The following SLC22A25 variants were observed in gnomAD, a reference collection of about 807,000 sequenced individuals.
SLC22A25 encodes the protein MGI:2442751, MGI:2385316, MGI:3042283, MGI:3645714, MGI:3605624, MGI:2442750.
Under a neutral mutation model 45.9 loss-of-function variants are expected in SLC22A25, and 44 were observed. The ratio of observed to expected loss-of-function variants is 0.96; its 90% CI spans 0.75 to 1.23. SLC22A25 has a LOEUF of 1.23. SLC22A25 is among the 50% of genes most tolerant of loss of function. SLC22A25 has a pLI of 0.00. For synonymous variants in SLC22A25, 283 were observed against 238.6 expected (o/e 1.19, Z -1.72); for missense variants, 800 against 666.4 (o/e 1.20, Z -2.21).
At chr11:63,201,813 A>T (rs563153915) in intron 7 of SLC22A25, among the ~76,000 whole-genome samples, 120 of 3,736 alleles carry the variant, frequency 0.032, no homozygotes, top group African/African-American at 0.035. Context: ...AAATTTCAAT[A>T]AAAAAACCCC....
Position 63,238,986 on chromosome 11 carries a change from A to T in SLC22A25, c.-846T>A, listed in dbSNP as rs545146064. The T allele has an allele frequency of 1.2e-5, 2 of 170,458 alleles. No homozygotes were observed. 10.6% of individuals were successfully genotyped at this position (170,458 alleles called of 1,614,324 possible). A position where few individuals can be genotyped will look rare whatever the true frequency, so the allele number is the denominator to read the frequency against. On this transcript the variant is annotated 5_prime_UTR_variant, in exon 2 of 12. Transcript: ENST00000306494. ...TGTGCACCTAGCAGTGGTGACCAGG[A>T]TGAATGCAGTGAAATTCTCCATACA...
At chr11:63,166,414 TATC>T (rs2087687209) in intron 9 of SLC22A25, 156 bp from the exon 10 acceptor site, 1 of 1,440,056 alleles carries the variant, frequency 6.9e-7, no homozygotes. Flanking sequence ...ATTTTAAAGT[TATC>T]ATAAAATAAT....
At chr11:63,221,130 G>C (rs907659765) in intron 5 of SLC22A25, among the ~76,000 whole-genome samples, 7 of 152,026 alleles carry the variant, frequency 4.6e-5, no homozygotes, top group African/African-American at 1.4e-4. Flanking sequence ...TTTCCTTTTT[G>C]GGTGTGTACC....
chr11:63,179,233 A>G (rs1277393423), intron 9 of SLC22A25, among the ~76,000 whole-genome samples: 1 of 152,070 alleles, frequency 6.6e-6, no homozygotes, highest in Non-Finnish European at 1.5e-5. Context: ...CTGGAATTAC[A>G]GGCATGAGCC....
chr11:63,211,196 C>T (rs189564779), intron 7 of SLC22A25, among the ~76,000 whole-genome samples: 179 of 152,206 alleles, frequency 1.2e-3, no homozygotes, highest in Non-Finnish European at 2.2e-3. Flanking sequence ...GGTATGAGTC[C>T]GTCAATACCC....
chr11:63,178,563 A>G (rs986154391), intron 9 of SLC22A25, among the ~76,000 whole-genome samples: 1 of 151,578 alleles, frequency 6.6e-6, no homozygotes, highest in African/African-American at 2.4e-5. Context: ...TCTGGTGATT[A>G]ACTGTATTGA....
intron 7 of SLC22A25, among the ~76,000 whole-genome samples, chr11:63,185,782 G>C (rs2088515922): frequency 6.9e-6 from 1 of 144,206 alleles, no homozygotes; most frequent in Non-Finnish European, 1.5e-5. Context: ...CTATGAGTGA[G>C]AATATGCGGT....
chr11:63,228,393 T>C, intron 5 of SLC22A25, 68 bp downstream of exon 5: 1 of 1,279,674 alleles, frequency 7.8e-7, no homozygotes, highest in Non-Finnish European at 1.1e-6. Flanking sequence ...AAAATATTTC[T>C]AGATGAAAAG....
Position 63,159,119 on chromosome 11 carries a change from T to C in SLC22A25, c.*4705A>G, listed in dbSNP as rs761545619. Among the ~76,000 whole-genome samples the C allele has an allele frequency of 6.6e-6, 1 of 152,232 alleles. No homozygotes were observed. Among genetic ancestry groups the C allele is most frequent in the African/African-American group, 2.4e-5 (1 of 41,452 alleles). On this transcript the variant is annotated 3_prime_UTR_variant, in exon 12 of 12. Transcript: ENST00000306494. The stretch of plus-strand genomic sequence containing the variant: ...TATTTTATGGCTGAATAGTACTTCA[T>C]TGTGTATATGTACCACATTTTCTTT...
At chr11:63,238,089 T>G (rs927989601) in intron 2 of SLC22A25, 77 bp from the exon 3 acceptor site, 1 of 152,192 alleles carries the variant, frequency 6.6e-6, no homozygotes, top group African/African-American at 2.4e-5. Context: ...TCAAAACTCC[T>G]GAACATGACC....
chr11:63,214,168 T>C (rs2089651529), intron 7 of SLC22A25, among the ~76,000 whole-genome samples: 1 of 152,188 alleles, frequency 6.6e-6, no homozygotes, highest in Non-Finnish European at 1.5e-5. Context: ...TGGTGGGTTC[T>C]TGCTTATTCT....
intron 1 of SLC22A25, among the ~76,000 whole-genome samples, chr11:63,241,685 C>A (rs990374372): frequency 6.6e-6 from 1 of 152,172 alleles, no homozygotes; most frequent in Non-Finnish European, 1.5e-5. Flanking sequence ...AGCATTACTT[C>A]ACTAAGTTTT....
rs2212453 is a variant in SLC22A25, at chr11:63,164,786, C to T, written c.1286-152G>A. ...CATAGAGGCAAAGAATGTGCAGTGG[C>T]TAATAGCTGAGAAATGTGATTGGCC... is the stretch of plus-strand genomic sequence containing the variant. On this transcript the variant is annotated intron_variant, in intron 10 of 11. Coordinates refer to ENST00000306494, the MANE Select transcript of SLC22A25 (RefSeq NM_199352.6). 3.2e-3 allele frequency: 2,023 copies of T among 626,768 alleles called. 4 individuals carry two copies. The highest frequency in any genetic ancestry group is 4.7e-3 in the Non-Finnish European group (1,648 of 352,096). The allele number at this position is 626,768 out of a possible 1,614,324, so 38.8% of individuals were successfully genotyped here. A position where few individuals can be genotyped will look rare whatever the true frequency, so the allele number is the denominator to read the frequency against.
chr11:63,202,338 G>A lies in SLC22A25; in HGVS notation c.830+14976C>T, dbSNP rs73499778. Among the ~76,000 whole-genome samples, 1,252 of 152,190 alleles carry A rather than the reference G, an allele frequency of 8.2e-3. 26 individuals carry two copies. Among genetic ancestry groups the A allele is most frequent in the African/African-American group, 0.029 (1,191 of 41,514 alleles). On this transcript the variant is annotated intron_variant, in intron 7 of 11. Coordinates refer to ENST00000306494, the MANE Select transcript of SLC22A25 (RefSeq NM_199352.6). ...CCTGTAAAGGGGGCACTGAAGCCAGGGAGTTAAGTGGTCTAGCTCAGTAGA... is the reference window on the plus strand; with the variant it reads ...CCTGTAAAGGGGGCACTGAAGCCAGAGAGTTAAGTGGTCTAGCTCAGTAGA...
At chr11:63,172,252 A>T (rs1288791558) in intron 9 of SLC22A25, among the ~76,000 whole-genome samples, 1 of 152,206 alleles carries the variant, frequency 6.6e-6, no homozygotes, top group Non-Finnish European at 1.5e-5. Flanking sequence ...CTTCAGGACT[A>T]AAACACCAAA....
intron 1 of SLC22A25, among the ~76,000 whole-genome samples, chr11:63,241,244 G>C (rs747004427): frequency 2.6e-5 from 4 of 152,194 alleles, no homozygotes; most frequent in African/African-American, 9.6e-5. Flanking sequence ...TCCATGGGGA[G>C]ATGTGAACCT....
Position 63,229,536 on chromosome 11 carries a change from G to T in SLC22A25, c.117C>A (p.Asn39Lys). The change falls in exon 4 of 12, where the codon AAC becomes AAA. Residue 39 changes from asparagine to lysine, a missense_variant. Asn to Lys is a moderately conservative substitution (Grantham distance 94). Transcript: ENST00000306494. Reference sequence around the variant, plus strand: ...GATGATCAAGTATGAATGCTGCGAAGTTCTCCAGCTGAGTTTGATGGTATA... The same window carrying T: ...GATGATCAAGTATGAATGCTGCGAATTTCTCCAGCTGAGTTTGATGGTATA... ...VIVYHQTQLE[N>K]FAAFILDHRC... 2 of 1,614,116 alleles carry T rather than the reference G, an allele frequency of 1.2e-6. No individual in the cohort carries two copies. Among genetic ancestry groups the T allele is most frequent in the Non-Finnish European group, 1.7e-6 (2 of 1,179,992 alleles).
In SLC22A25 at chr11:63,162,219, C is replaced by T. The variant is rs1434167504; in HGVS notation, c.*1605G>A. Among the ~76,000 whole-genome samples the T allele has an allele frequency of 6.6e-6, 1 of 152,096 alleles. No homozygotes were observed. The highest frequency in any genetic ancestry group is 6.6e-5 in the Admixed American group (1 of 15,256). ...TATTTTCTCCCATTCTGTGGGTTGC[C>T]TCTTTACTTTGTTGAATGTATCCTT... On this transcript the variant is annotated 3_prime_UTR_variant, in exon 12 of 12. Transcript: ENST00000306494.
intron 7 of SLC22A25, among the ~76,000 whole-genome samples, chr11:63,215,251 C>T (rs2089680576): frequency 6.6e-6 from 1 of 152,096 alleles, no homozygotes; most frequent in South Asian, 2.1e-4. Context: ...ATTATGCAGC[C>T]ATAAAAAAGG....
Sources: gnomAD v4.1 joint callset for allele counts (sites outside exome capture counted in the v4.1 genomes callset) on GRCh38, gnomAD v4.1.1 for gene constraint, MANE v1.5 for transcripts, NCBI Gene and HGNC (gene_info 2026-07-23, HGNC 2026-07-21) for gene names.